The following ETV5 variants were observed in gnomAD, a reference collection of about 807,000 sequenced individuals.
The protein encoded by ETV5 is ETS variant transcription factor 5, also known as ETS translocation variant 5.
In ETV5, 10 loss-of-function variants were observed where a neutral mutation model predicts 70.0. That is an observed-to-expected ratio of 0.14 (90% CI 0.09 to 0.24). The LOEUF (loss-of-function observed/expected upper bound fraction) is 0.24. Among genes scored for constraint, ETV5 ranks in the 10% least tolerant of loss-of-function variants. The probability of loss-of-function intolerance (pLI) is 1.00; values close to 1 mark genes in which losing one functional copy is unlikely to be tolerated. For missense variants in ETV5, 453 were observed against 651.2 expected, an observed-to-expected ratio of 0.70 and a Z score of 3.31; for synonymous variants, 216 against 242.2, an observed-to-expected ratio of 0.89 and a Z score of 1.01.
chr3:186,093,704 C>T (rs751936717), intron 5 of ETV5, among the ~76,000 whole-genome samples: 1 of 152,156 alleles, frequency 6.6e-6, no homozygotes, highest in South Asian at 2.1e-4. Context: ...ACTCCAAACT[C>T]CGGGGGGAGC....
chr3:186,068,565 T>C (rs1023732598), intron 7 of ETV5, among the ~76,000 whole-genome samples: 1 of 152,222 alleles, frequency 6.6e-6, no homozygotes, highest in South Asian at 2.1e-4. Flanking sequence ...TCCAGATGTG[T>C]GCCAGCTGCC....
intron 5 of ETV5, among the ~76,000 whole-genome samples, chr3:186,085,377 C>G (rs1482960887): frequency 1.3e-5 from 2 of 152,132 alleles, no homozygotes; most frequent in African/African-American, 4.8e-5. Flanking sequence ...CAGTGCGAGC[C>G]ACACGTCATA....
At chr3:186,101,770 G>A (rs1387038424) in intron 5 of ETV5, among the ~76,000 whole-genome samples, 5 of 152,112 alleles carry the variant, frequency 3.3e-5, no homozygotes, top group Non-Finnish European at 7.4e-5. Flanking sequence ...CCCACTACTG[G>A]TCAGTCTCTT....
chr3:186,097,499 A>C (rs1714333288), intron 5 of ETV5, among the ~76,000 whole-genome samples: 2 of 152,118 alleles, frequency 1.3e-5, no homozygotes. Flanking sequence ...AAGGAGATAA[A>C]AGGGTTTAAC....
chr3:186,049,295 G>A, intron 12 of ETV5, among the ~76,000 whole-genome samples: 1 of 152,220 alleles, frequency 6.6e-6, no homozygotes, highest in East Asian at 1.9e-4. Flanking sequence ...AATCTGATGA[G>A]AGCGAGCCTG....
chr3:186,086,790 CT>C (rs1190831390), intron 5 of ETV5, among the ~76,000 whole-genome samples: 3 of 142,578 alleles, frequency 2.1e-5, no homozygotes, highest in Non-Finnish European at 4.5e-5. Flanking sequence ...ATTCCTGTCT[CT>C]ACAAAAAGAT....
chr3:186,056,100 T>C (rs913897843), intron 11 of ETV5, among the ~76,000 whole-genome samples: 12 of 152,226 alleles, frequency 7.9e-5, no homozygotes, highest in Non-Finnish European at 1.3e-4. Context: ...TACTTTGTTA[T>C]GTGATATTCA....
intron 12 of ETV5, among the ~76,000 whole-genome samples, chr3:186,051,419 T>C (rs956951830): frequency 4.6e-5 from 7 of 152,244 alleles, no homozygotes; most frequent in Admixed American, 3.3e-4. Flanking sequence ...CTGTGGCCCC[T>C]TGCTACCTAT....
At chr3:186,106,528 A>C (rs1332895897) in intron 1 of ETV5, among the ~76,000 whole-genome samples, 1 of 152,256 alleles carries the variant, frequency 6.6e-6, no homozygotes, top group Non-Finnish European at 1.5e-5. Flanking sequence ...AGGACTAAAC[A>C]GATATAGCAT....
intron 5 of ETV5, among the ~76,000 whole-genome samples, chr3:186,081,908 T>C (rs1560052113): frequency 6.6e-6 from 1 of 152,210 alleles, no homozygotes; most frequent in Non-Finnish European, 1.5e-5. Context: ...CTTTCATAGA[T>C]GGTGCAGTGA....
intron 5 of ETV5, among the ~76,000 whole-genome samples, chr3:186,097,908 C>CA (rs1289653462): frequency 2.0e-5 from 3 of 152,196 alleles, no homozygotes; most frequent in African/African-American, 7.2e-5. Context: ...AAAAAGTCTG[C>CA]AAGTGAGCCC....
rs759929741 is a variant in ETV5, at chr3:186,081,135, C to T, written c.273G>A (p.Glu91=). 5.0e-6 allele frequency: 8 copies of T among 1,613,786 alleles called. No homozygotes were observed. Among genetic ancestry groups the T allele is most frequent in the South Asian group, 1.1e-5 (1 of 91,020 alleles). Residue 91 remains glutamate, a synonymous_variant, in exon 6 of 13, where the codon GAG becomes GAA. Coordinates refer to ENST00000306376, the MANE Select transcript of ETV5 (RefSeq NM_004454.3). The part of the protein sequence containing the change: ...HAPPPTKIKR[E]LHSPSSELSS... Reference sequence around the variant, plus strand: ...ACAGCTCAGAGGAGGGGCTGTGCAGCTCCCGTTTGATCTTGGTTGGAGGTG... The same window carrying T: ...ACAGCTCAGAGGAGGGGCTGTGCAGTTCCCGTTTGATCTTGGTTGGAGGTG...
rs1385741704 is a variant in ETV5 at position 186,081,481 on chromosome 3, T to TG, written c.233-307dup. Reference sequence around the variant, plus strand: ...AAATCCTTAAAAACCTTGCAGGTAATGGGTCTCCACCAAAAATGCAAGTGG... The same window carrying TG: ...AAATCCTTAAAAACCTTGCAGGTAATGGGGTCTCCACCAAAAATGCAAGTGG... On this transcript the variant is annotated intron_variant, in intron 5 of 12. Transcript: ENST00000306376. Among the ~76,000 whole-genome samples the TG allele has an allele frequency of 2.0e-5, 3 of 152,152 alleles. No individual in the cohort carries two copies. The East Asian group carries it at 5.8e-4, about 29-fold the overall frequency.
chr3:186,052,424 G>A lies in ETV5; in HGVS notation c.1210-293C>T, dbSNP rs766980880. 1.3e-5 allele frequency among the ~76,000 whole-genome samples: 2 copies of A among 152,258 alleles called. No homozygotes were observed. The highest frequency in any genetic ancestry group is 2.9e-5 in the Non-Finnish European group (2 of 68,008). The stretch of plus-strand genomic sequence containing the variant: ...TGCAGGCCCTCTACTATTTCTCCAC[G>A]TATGAATTATTGACCAATACCCATA... On this transcript the variant is annotated intron_variant, in intron 11 of 12. Transcript: ENST00000306376. The surrounding 1 kb of genome is among the most constrained non-coding windows in gnomAD (Gnocchi z 4.5).
At chr3:186,069,083 C>T (rs1713524025) in intron 7 of ETV5, among the ~76,000 whole-genome samples, 1 of 152,148 alleles carries the variant, frequency 6.6e-6, no homozygotes, top group Non-Finnish European at 1.5e-5. Context: ...TCAAGATTTA[C>T]AATCTTAAAC....
chr3:186,059,023 A>AAT lies in ETV5; in HGVS notation c.971-1533_971-1532insAT, dbSNP rs1560045847. On this transcript the variant is annotated intron_variant, in intron 9 of 12. Coordinates refer to ENST00000306376, the MANE Select transcript of ETV5 (RefSeq NM_004454.3). ...GAGAGGCTCTGTCTCAAAAAAAAAA[A>AAT]AATAAAATAAAAATAAAAAATAAAA... Among the ~76,000 whole-genome samples, 35 of 151,176 alleles carry AAT rather than the reference A, an allele frequency of 2.3e-4. 2 individuals carry two copies. The highest frequency in any genetic ancestry group is 3.6e-4 in the African/African-American group (15 of 41,380).
chr3:186,077,072 G>A (rs1220437217), intron 7 of ETV5, among the ~76,000 whole-genome samples: 1 of 152,208 alleles, frequency 6.6e-6, no homozygotes, highest in African/African-American at 2.4e-5. Flanking sequence ...TTGGCTATGT[G>A]AGCTTTAGAA....
At chr3:186,101,480 ACTCT>A (rs886978257) in intron 5 of ETV5, among the ~76,000 whole-genome samples, 2 of 152,002 alleles carry the variant, frequency 1.3e-5, no homozygotes, top group African/African-American at 2.4e-5. Flanking sequence ...TTTTATAATT[ACTCT>A]CTGTCTTCCA....
At chr3:186,082,828 C>T (rs963626991) in intron 5 of ETV5, among the ~76,000 whole-genome samples, 3 of 152,222 alleles carry the variant, frequency 2.0e-5, no homozygotes, top group Non-Finnish European at 4.4e-5. Flanking sequence ...GGATTGAATA[C>T]GAGACAGATG....
Sources: gnomAD v4.1 joint callset for allele counts (sites outside exome capture counted in the v4.1 genomes callset) on GRCh38, gnomAD v4.1.1 for gene constraint, Gnocchi (gnomAD v3.1) non-coding constraint, MANE v1.5 for transcripts, NCBI Gene and HGNC (gene_info 2026-07-23, HGNC 2026-07-21) for gene names.